The following DNAJC10 variants were observed in gnomAD, a reference collection of about 807,000 sequenced individuals.
DNAJC10 encodes the protein DnaJ heat shock protein family (Hsp40) member C10.
DNAJC10 carries 101 observed loss-of-function variants against 115.0 expected under a neutral mutation model. The observed-to-expected ratio is 0.88, with a 90% confidence interval of 0.75 to 1.04. The LOEUF is 1.04. DNAJC10 is among the 50% of genes least tolerant of loss of function. The pLI is 0.00. For missense variants in DNAJC10, 981 were observed against 928.8 expected (o/e 1.06, Z -0.73); for synonymous variants, 307 against 301.5 (o/e 1.02, Z -0.19).
chr2:182,734,605 C>A (rs1464873576), intron 10 of DNAJC10, among the ~76,000 whole-genome samples: 3 of 151,706 alleles, frequency 2.0e-5, no homozygotes. Flanking sequence ...TTAATCAGAT[C>A]CTCTAGATCT....
intron 11 of DNAJC10, chr2:182,739,882 G>A: frequency 1.0e-6 from 1 of 986,694 alleles, no homozygotes; most frequent in Non-Finnish European, 1.2e-6. Context: ...TCCTTCTAGT[G>A]TTATAAAAAT....
At chr2:182,768,433 A>G (rs1265097436) in intron 22 of DNAJC10, among the ~76,000 whole-genome samples, 1 of 152,180 alleles carries the variant, frequency 6.6e-6, no homozygotes, top group Non-Finnish European at 1.5e-5. Flanking sequence ...AGTCCAGGGG[A>G]CAAAGTTAGG....
chr2:182,777,033 AATGT>A (rs1694724045), intron 23 of DNAJC10, 84 bp from the exon 24 acceptor site: 2 of 849,414 alleles, frequency 2.4e-6, no homozygotes, highest in African/African-American at 3.5e-5. Flanking sequence ...GAAAAAGTAA[AATGT>A]TGGTTTGTGG....
Position 182,778,474 on chromosome 2 carries a change from A to C in DNAJC10, c.*1342A>C, listed in dbSNP as rs1261846199. 6.6e-6 allele frequency: 1 copy of C among 152,198 alleles called. No homozygotes were observed. Among genetic ancestry groups the C allele is most frequent in the Non-Finnish European group, 1.5e-5 (1 of 68,032 alleles). 9.4% of individuals were successfully genotyped at this position (152,198 alleles called of 1,614,324 possible). A position where few individuals can be genotyped will look rare whatever the true frequency, so the allele number is the denominator to read the frequency against. On this transcript the variant is annotated 3_prime_UTR_variant, in exon 24 of 24. Transcript: ENST00000264065. The stretch of plus-strand genomic sequence containing the variant: ...ATGGTAAAAATTCCAATCAGTCAAA[A>C]GAGGTCAATGAATTAAAAGGCTTGC...
intron 3 of DNAJC10, among the ~76,000 whole-genome samples, chr2:182,718,911 C>G (rs1047871415): frequency 6.6e-6 from 1 of 151,992 alleles, no homozygotes; most frequent in African/African-American, 2.4e-5. Context: ...ATTTAGCGTT[C>G]ATCATTAACA....
intron 14 of DNAJC10, among the ~76,000 whole-genome samples, chr2:182,749,602 CTT>C (rs1471596871): frequency 3.3e-5 from 5 of 151,932 alleles, no homozygotes; most frequent in South Asian, 4.2e-4. Context: ...GGTCTTGACT[CTT>C]TATCCAATTT....
At chr2:182,746,427 A>T (rs79132204) in intron 14 of DNAJC10, among the ~76,000 whole-genome samples, 97,998 of 151,904 alleles carry the variant, frequency 0.65, 31,949 homozygotes, top group Middle Eastern at 0.74. Flanking sequence ...ATTGCCATTC[A>T]AACTGGTGTG....
chr2:182,730,438 C>A, intron 8 of DNAJC10: 1 of 331,720 alleles, frequency 3.0e-6, no homozygotes, highest in South Asian at 2.4e-5. Flanking sequence ...AGTGGGGCTG[C>A]AGTAATAAAA....
At chr2:182,758,296 C>T (rs552650698) in intron 19 of DNAJC10, among the ~76,000 whole-genome samples, 1 of 152,262 alleles carries the variant, frequency 6.6e-6, no homozygotes, top group South Asian at 2.1e-4. Flanking sequence ...GGTTTGAACC[C>T]AAGTCTGTCT....
At chr2:182,734,740 G>C (rs1193361895) in intron 10 of DNAJC10, among the ~76,000 whole-genome samples, 1 of 151,404 alleles carries the variant, frequency 6.6e-6, no homozygotes, top group South Asian at 2.1e-4. Flanking sequence ...TTGATGCTTT[G>C]TTATTAGATG....
intron 12 of DNAJC10, 39 bp downstream of exon 12, chr2:182,740,427 T>C: frequency 6.6e-7 from 1 of 1,523,752 alleles, no homozygotes; most frequent in Admixed American, 2.3e-5. Flanking sequence ...GCAATGAATG[T>C]TCGTAACATT....
Position 182,751,679 on chromosome 2 carries a change from T to C in DNAJC10, c.1328T>C (p.Ile443Thr), listed in dbSNP as rs936356882. The C allele has an allele frequency of 3.7e-6, 6 of 1,613,786 alleles. No individual in the cohort carries two copies. Among genetic ancestry groups the C allele is most frequent in the Non-Finnish European group, 3.4e-6 (4 of 1,179,888 alleles). The change falls in exon 15 of 24, where the codon ATA becomes ACA. Residue 443 changes from isoleucine to threonine, a missense_variant. Physicochemically the swap from Ile to Thr is moderately conservative, Grantham distance 89 (BLOSUM62 -1). Transcript: ENST00000264065. ...AAAGGAAAGAAGATTCTATATGATATACTTGCCTTTGCCAAAGAAAGTGTG... is the reference window on the plus strand; with the variant it reads ...AAAGGAAAGAAGATTCTATATGATACACTTGCCTTTGCCAAAGAAAGTGTG... ...IHHGKKILYD[I>T]LAFAKESVNS...
At chr2:182,741,518 TAA>T (rs928936281) in intron 13 of DNAJC10, among the ~76,000 whole-genome samples, 162 bp downstream of exon 13, 14 of 152,128 alleles carry the variant, frequency 9.2e-5, no homozygotes, top group African/African-American at 3.4e-4. Context: ...TCTTTTTTAT[TAA>T]AAGTTTATAT....
intron 14 of DNAJC10, among the ~76,000 whole-genome samples, chr2:182,744,541 C>G (rs1170890270): frequency 1.3e-5 from 2 of 151,988 alleles, no homozygotes; most frequent in African/African-American, 4.8e-5. Context: ...CTCAATTTCC[C>G]CAAGCAACTA....
At chr2:182,729,964 C>T (rs776707863) in intron 8 of DNAJC10, 23 bp downstream of exon 8, 3 of 1,495,408 alleles carry the variant, frequency 2.0e-6, no homozygotes, top group Non-Finnish European at 1.8e-6. Flanking sequence ...TCTTAATTTG[C>T]TTGATTTTCA....
chr2:182,779,390 C>G lies in DNAJC10; in HGVS notation c.*2258C>G, dbSNP rs1559032466. 1 of 152,150 alleles carries G rather than the reference C, an allele frequency of 6.6e-6. No homozygotes were observed. The highest frequency in any genetic ancestry group is 1.5e-5 in the Non-Finnish European group (1 of 68,048). The allele number at this position is 152,150 out of a possible 1,614,324, so 9.4% of individuals were successfully genotyped here. A position where few individuals can be genotyped will look rare whatever the true frequency, so the allele number is the denominator to read the frequency against. On this transcript the variant is annotated 3_prime_UTR_variant, in exon 24 of 24. Transcript: ENST00000264065. ...CTGACCCTCTAACATGGTATCAATTCTAGCTGACCAAAGCACATTCTATCA... is the reference window on the plus strand; with the variant it reads ...CTGACCCTCTAACATGGTATCAATTGTAGCTGACCAAAGCACATTCTATCA...
Position 182,757,796 on chromosome 2 carries a change from C to A in DNAJC10, c.1914C>A (p.Pro638=). The A allele has an allele frequency of 6.5e-7, 1 of 1,540,818 alleles. No individual in the cohort carries two copies. Among genetic ancestry groups the A allele is most frequent in the Non-Finnish European group, 8.9e-7 (1 of 1,119,458 alleles). ...VQRYPEIRFF[P]PKSNKAYHYH... ...GATACCCTGAGATAAGATTTTTTCCCCCAAAATCAAATAAAGCTTATCATT... is the reference window on the plus strand; with the variant it reads ...GATACCCTGAGATAAGATTTTTTCCACCAAAATCAAATAAAGCTTATCATT... The change falls in exon 19 of 24, where the codon CCC becomes CCA. Residue 638 remains proline (P), a synonymous_variant. Transcript: ENST00000264065.
chr2:182,761,554 AAGAAGGG>A (rs970068580), intron 21 of DNAJC10, among the ~76,000 whole-genome samples: 32 of 152,090 alleles, frequency 2.1e-4, no homozygotes, highest in Non-Finnish European at 4.1e-4. Flanking sequence ...TGGTGATAGA[AAGAAGGG>A]GACAAATACA....
At position 182,718,137 on chromosome 2, in the gene DNAJC10, C is replaced by T; in HGVS notation, c.51C>T (p.Ile17=). 6.2e-7 allele frequency: 1 copy of T among 1,612,860 alleles called. No individual in the cohort carries two copies. The highest frequency in any genetic ancestry group is 8.5e-7 in the Non-Finnish European group (1 of 1,179,496). The part of the protein sequence containing the change: ...KDDYIRDLKR[I]ILCFLIVYMA... ...ACTATATCAGAGACTTGAAAAGGAT[C>T]ATTCTCTGTTTTCTGATAGTGTATA... is the stretch of plus-strand genomic sequence containing the variant. Residue 17 remains isoleucine (I), a synonymous_variant, in exon 3 of 24, where the codon ATC becomes ATT. Transcript: ENST00000264065.
Sources: gnomAD v4.1 joint callset for allele counts (sites outside exome capture counted in the v4.1 genomes callset) on GRCh38, gnomAD v4.1.1 for gene constraint, MANE v1.5 for transcripts, NCBI Gene and HGNC (gene_info 2026-07-23, HGNC 2026-07-21) for gene names.